Variants in MAP3K4 observed in about 807,000 individuals in gnomAD.
MAP3K4 encodes MAP three kinase 1.
MAP3K4 carries 67 observed loss-of-function variants against 185.6 expected under a neutral mutation model. The ratio of observed to expected loss-of-function variants is 0.36; its 90% CI spans 0.30 to 0.44. MAP3K4 has a LOEUF of 0.44. MAP3K4 is among the 20% of genes least tolerant of loss of function. The pLI is 1.00. For missense variants in MAP3K4, 1,551 were observed against 1,995.1 expected (o/e 0.78, Z 4.24); for synonymous variants, 702 against 710.4 (o/e 0.99, Z 0.19).
At chr6:161,057,225 A>G (rs1235357362) in intron 3 of MAP3K4, among the ~76,000 whole-genome samples, 3 of 152,192 alleles carry the variant, frequency 2.0e-5, no homozygotes, top group African/African-American at 7.2e-5. Context: ...CACACAGGAA[A>G]CACTGAAGAG....
chr6:161,058,925 T>C (rs1784367052), intron 3 of MAP3K4, among the ~76,000 whole-genome samples: 1 of 152,194 alleles, frequency 6.6e-6, no homozygotes, highest in Non-Finnish European at 1.5e-5. Context: ...TACACACCCC[T>C]TTATGAACTT....
Position 161,091,871 on chromosome 6 carries a change from T to A in MAP3K4, c.3136-139T>A. 1.4e-6 allele frequency: 1 copy of A among 720,370 alleles called. No homozygotes were observed. The allele number at this position is 720,370 out of a possible 1,614,324, so 44.6% of individuals were successfully genotyped here. On this transcript the variant is annotated intron_variant, in intron 12 of 26. Coordinates refer to ENST00000392142, the MANE Select transcript of MAP3K4 (RefSeq NM_005922.4). The surrounding 1 kb of genome is among the most constrained non-coding windows in gnomAD (Gnocchi z 5.5). Reference sequence around the variant, plus strand: ...GAAACACTGTACTTTCCATAATTCTTCATACTATTCAAAATATAGAAATTT... The same window carrying A: ...GAAACACTGTACTTTCCATAATTCTACATACTATTCAAAATATAGAAATTT...
Position 161,117,024 on chromosome 6 carries a change from T to A in MAP3K4, c.*154T>A, listed in dbSNP as rs1202612347. ...AGCGTCACTTCTCCTGCTGCTCCTG[T>A]TTGTCTGATGTGGCAAAAGGCCCTC... On this transcript the variant is annotated 3_prime_UTR_variant, in exon 27 of 27. Coordinates refer to ENST00000392142, the MANE Select transcript of MAP3K4 (RefSeq NM_005922.4). The A allele has an allele frequency of 2.8e-6, 2 of 711,720 alleles. No individual in the cohort carries two copies. Among genetic ancestry groups the A allele is most frequent in the East Asian group, 5.3e-5 (2 of 37,868 alleles). The allele number at this position is 711,720 out of a possible 1,614,324, so 44.1% of individuals were successfully genotyped here. A position where few individuals can be genotyped will look rare whatever the true frequency, so the allele number is the denominator to read the frequency against.
rs2114775552 is a variant in MAP3K4 at position 161,054,404 on chromosome 6, C to G, written c.1707+4425C>G. Among the ~76,000 whole-genome samples the G allele has an allele frequency of 6.6e-6, 1 of 152,330 alleles. No individual in the cohort carries two copies. The highest frequency in any genetic ancestry group is 1.5e-5 in the Non-Finnish European group (1 of 68,036). ...TCCTGACCTCACATGATCCACCCGC[C>G]TTGGCCTCCCAAAGTGCTGGGATGA... is the stretch of plus-strand genomic sequence containing the variant. On this transcript the variant is annotated intron_variant, in intron 3 of 26. Transcript: ENST00000392142. The surrounding 1 kb of genome is among the most constrained non-coding windows in gnomAD (Gnocchi z 4.2).
chr6:161,055,501 TACCC>T lies in MAP3K4; in HGVS notation c.1707+5524_1707+5527del, dbSNP rs1369076068. Among the ~76,000 whole-genome samples the T allele has an allele frequency of 5.9e-5, 9 of 151,606 alleles. No individual in the cohort carries two copies. In the South Asian group the frequency reaches 1.7e-3, roughly 28 times the overall value. Reference sequence around the variant, plus strand: ...CACGCCTTAATATTGACTTCTCACTTACCCAATACATTTGTTAAAACTAATATAT... The same window carrying T: ...CACGCCTTAATATTGACTTCTCACTTAATACATTTGTTAAAACTAATATAT... On this transcript the variant is annotated intron_variant, in intron 3 of 26. Transcript: ENST00000392142.
chr6:161,025,893 A>C (rs986873389), intron 1 of MAP3K4, among the ~76,000 whole-genome samples: 5 of 152,030 alleles, frequency 3.3e-5, no homozygotes, highest in African/African-American at 1.2e-4. Flanking sequence ...TTATCTTCCA[A>C]ATTTTCCTGT....
At chr6:161,079,216 G>GAAAA (rs71004026) in intron 5 of MAP3K4, among the ~76,000 whole-genome samples, 4,999 of 115,938 alleles carry the variant, frequency 0.043, 237 homozygotes, top group Non-Finnish European at 0.054. Context: ...CCTGTCTCAA[G>GAAAA]AAAAAAAAAA....
In MAP3K4 at chr6:161,106,364, C is replaced by CT; in HGVS notation, c.3857-147dup. The CT allele has an allele frequency of 1.8e-6, 1 of 564,862 alleles. No homozygotes were observed. Among genetic ancestry groups the CT allele is most frequent in the Non-Finnish European group, 3.1e-6 (1 of 322,774 alleles). 35.0% of individuals were successfully genotyped at this position (564,862 alleles called of 1,614,324 possible). On this transcript the variant is annotated intron_variant, in intron 19 of 26. Coordinates refer to ENST00000392142, the MANE Select transcript of MAP3K4 (RefSeq NM_005922.4). The surrounding 1 kb of genome is among the most constrained non-coding windows in gnomAD (Gnocchi z 4.9). ...GCTGGAATGAGTAGCGTTTGAAGAA[C>CT]TTTAATTCACCTGCTGTTTATCTGA... is the stretch of plus-strand genomic sequence containing the variant.
In MAP3K4 at chr6:161,115,430, A is replaced by G. The variant is rs1778550592; in HGVS notation, c.4806+128A>G. 2.3e-6 allele frequency: 2 copies of G among 865,714 alleles called. No individual in the cohort carries two copies. Among genetic ancestry groups the G allele is most frequent in the South Asian group, 2.1e-5 (1 of 47,588 alleles). The allele number at this position is 865,714 out of a possible 1,614,324, so 53.6% of individuals were successfully genotyped here. On this transcript the variant is annotated intron_variant, in intron 26 of 26. Coordinates refer to ENST00000392142, the MANE Select transcript of MAP3K4 (RefSeq NM_005922.4). The surrounding 1 kb of genome is among the most constrained non-coding windows in gnomAD (Gnocchi z 6.0). ...GAAGTGGAAAGGAACTAAATGTATT[A>G]TTATGCCAGGGATTTTTGTATGTGT...
intron 3 of MAP3K4, among the ~76,000 whole-genome samples, chr6:161,068,504 CA>C (rs1784800216): frequency 6.6e-6 from 1 of 152,138 alleles, no homozygotes; most frequent in African/African-American, 2.4e-5. Context: ...GAGACCTGGC[CA>C]TTAGGCTAAA....
rs1239803163 is a variant in MAP3K4 at position 161,034,208 on chromosome 6, A to G, written c.153-51A>G. 2 of 1,367,064 alleles carry G rather than the reference A, an allele frequency of 1.5e-6. No individual in the cohort carries two copies. 84.7% of individuals were successfully genotyped at this position (1,367,064 alleles called of 1,614,324 possible). ...TTTAAAAAATTATAAGTAAATTTGAATTCACTTAACTGTGTTGCTGAATAT... is the reference window on the plus strand; with the variant it reads ...TTTAAAAAATTATAAGTAAATTTGAGTTCACTTAACTGTGTTGCTGAATAT... On this transcript the variant is annotated intron_variant, in intron 1 of 26. Coordinates refer to ENST00000392142, the MANE Select transcript of MAP3K4 (RefSeq NM_005922.4). The surrounding 1 kb of genome is among the most constrained non-coding windows in gnomAD (Gnocchi z 4.4).
rs1222003294 is a variant in MAP3K4, at chr6:161,070,661, G to A, written c.1761G>A (p.Arg587=). The change falls in exon 4 of 27, where the codon AGG becomes AGA. Residue 587 remains arginine (R), a synonymous_variant. Coordinates refer to ENST00000392142, the MANE Select transcript of MAP3K4 (RefSeq NM_005922.4). This position sits in a 1 kb window ranked among gnomAD's most constrained non-coding sequence, Gnocchi z 4.5. Reference sequence around the variant, plus strand: ...GTTCAGATTATGTGCAGTTGTCAAGGACACCACCTTCATCTGAGGAGAAAT... The same window carrying A: ...GTTCAGATTATGTGCAGTTGTCAAGAACACCACCTTCATCTGAGGAGAAAT... ...MWGSDYVQLS[R]TPPSSEEKCS... 10 of 1,613,866 alleles carry A rather than the reference G, an allele frequency of 6.2e-6. No homozygotes were observed. The East Asian group carries it at 8.9e-5, about 14-fold the overall frequency.
Position 161,075,108 on chromosome 6 carries a change from A to G in MAP3K4, c.2097+1496A>G, listed in dbSNP as rs1031798320. 2.0e-5 allele frequency among the ~76,000 whole-genome samples: 3 copies of G among 152,234 alleles called. No homozygotes were observed. The highest frequency in any genetic ancestry group is 2.0e-4 in the Admixed American group (3 of 15,278). On this transcript the variant is annotated intron_variant, in intron 5 of 26. Coordinates refer to ENST00000392142, the MANE Select transcript of MAP3K4 (RefSeq NM_005922.4). This position sits in a 1 kb window ranked among gnomAD's most constrained non-coding sequence, Gnocchi z 4.3. Reference sequence around the variant, plus strand: ...TTTAATGAGTTAGAAGTTATTCTCTATATAAAAGACCTGAGTGTGTAAAAT... The same window carrying G: ...TTTAATGAGTTAGAAGTTATTCTCTGTATAAAAGACCTGAGTGTGTAAAAT...
intron 1 of MAP3K4, among the ~76,000 whole-genome samples, chr6:161,024,337 C>G (rs1012268182): frequency 2.6e-5 from 4 of 152,126 alleles, no homozygotes; most frequent in African/African-American, 9.7e-5. Flanking sequence ...ACCCTATGCT[C>G]AGTTTCCCCT....
chr6:161,094,550 G>C (rs1777486958), intron 15 of MAP3K4, among the ~76,000 whole-genome samples: 1 of 152,076 alleles, frequency 6.6e-6, no homozygotes, highest in Admixed American at 6.5e-5. Context: ...GTATTTGTAA[G>C]TAATAAACAC....
At chr6:161,000,860 T>C (rs1339149085) in intron 1 of MAP3K4, among the ~76,000 whole-genome samples, 3 of 149,958 alleles carry the variant, frequency 2.0e-5, no homozygotes, top group African/African-American at 7.4e-5. Context: ...CATATACACA[T>C]GTGTACACAT....
intron 2 of MAP3K4, among the ~76,000 whole-genome samples, chr6:161,038,266 G>A (rs1289933840): frequency 6.6e-6 from 1 of 152,222 alleles, no homozygotes; most frequent in East Asian, 1.9e-4. Flanking sequence ...ACAGGAGGCA[G>A]TATTGAGAAG....
rs1313958588 is a variant in MAP3K4, at chr6:161,093,921, C to T, written c.3427+70C>T. 1 of 1,178,940 alleles carries T rather than the reference C, an allele frequency of 8.5e-7. No homozygotes were observed. Among genetic ancestry groups the T allele is most frequent in the Non-Finnish European group, 1.3e-6 (1 of 796,946 alleles). 73.0% of individuals were successfully genotyped at this position (1,178,940 alleles called of 1,614,324 possible). On this transcript the variant is annotated intron_variant, in intron 15 of 26. Transcript: ENST00000392142. The surrounding 1 kb of genome is among the most constrained non-coding windows in gnomAD (Gnocchi z 5.2). Reference sequence around the variant, plus strand: ...GAGTGGACAGATCCTCTTGTAATTGCAGTCGTTTAAAATGGTATAAGAGGT... The same window carrying T: ...GAGTGGACAGATCCTCTTGTAATTGTAGTCGTTTAAAATGGTATAAGAGGT...
Position 161,079,492 on chromosome 6 carries a change from G to A in MAP3K4, c.2098-1389G>A, listed in dbSNP as rs188013844. 2.2e-3 allele frequency among the ~76,000 whole-genome samples: 328 copies of A among 151,718 alleles called. 2 individuals carry two copies. The highest frequency in any genetic ancestry group is 7.5e-3 in the African/African-American group (312 of 41,376). ...CTCAGGAGGCTGAGGCAGGAGAATC[G>A]CTTGAACCCGGGAGGCAGAGGTTGC... On this transcript the variant is annotated intron_variant, in intron 5 of 26. Coordinates refer to ENST00000392142, the MANE Select transcript of MAP3K4 (RefSeq NM_005922.4).
Sources: allele counts gnomAD v4.1 joint callset (sites outside exome capture counted in the v4.1 genomes callset), GRCh38; gene constraint gnomAD v4.1.1; non-coding constraint Gnocchi (gnomAD v3.1); transcripts MANE v1.5; gene names NCBI Gene and HGNC (gene_info 2026-07-23, HGNC 2026-07-21).